The following CFAP20DC variants were observed in gnomAD, a reference collection of about 807,000 sequenced individuals.
CFAP20DC encodes the protein CFAP20 domain containing, also known as protein CFAP20DC.
In CFAP20DC, 84 loss-of-function variants were observed where a neutral mutation model predicts 101.7. The observed-to-expected ratio is 0.83, with a 90% CI of 0.69 to 0.99. The LOEUF (loss-of-function observed/expected upper bound fraction) is 0.99, where lower values mean the gene tolerates loss of function less well. Ranked by LOEUF, CFAP20DC falls within the 50% of genes least tolerant of loss-of-function variation. The probability of loss-of-function intolerance (pLI) is 0.00; values close to 1 mark genes in which losing one functional copy is unlikely to be tolerated. For missense variants in CFAP20DC, 1,007 were observed against 970.3 expected (o/e 1.04, Z -0.50); for synonymous variants, 359 against 351.2 (o/e 1.02, Z -0.25).
intron 5 of CFAP20DC, among the ~76,000 whole-genome samples, chr3:58,928,701 G>A (rs528478686): frequency 6.6e-6 from 1 of 152,182 alleles, no homozygotes; most frequent in South Asian, 2.1e-4. Context: ...AGAACACTAC[G>A]GAAACAAATG....
rs1249249632 is a variant in CFAP20DC at position 58,897,136 on chromosome 3, T to C, written c.551-12427A>G. ...AATTGAACCCTTTACCACTACATAATGCCCTTCTTTGTCTTTTTTGATATT... is the reference window on the plus strand; with the variant it reads ...AATTGAACCCTTTACCACTACATAACGCCCTTCTTTGTCTTTTTTGATATT... On this transcript the variant is annotated intron_variant, in intron 6 of 16. Transcript: ENST00000482387. This position sits in a 1 kb window ranked among gnomAD's most constrained non-coding sequence, Gnocchi z 4.4. 1.3e-5 allele frequency among the ~76,000 whole-genome samples: 2 copies of C among 152,234 alleles called. No individual in the cohort carries two copies. Among genetic ancestry groups the C allele is most frequent in the Admixed American group, 6.5e-5 (1 of 15,292 alleles).
intron 4 of CFAP20DC, among the ~76,000 whole-genome samples, chr3:58,963,799 A>G (rs1244752359): frequency 6.6e-6 from 1 of 152,190 alleles, no homozygotes; most frequent in Admixed American, 6.5e-5. Context: ...GATTGAACAG[A>G]TTACCTCTTG....
In CFAP20DC at chr3:59,040,270, G is replaced by T. The variant is rs186568589; in HGVS notation, c.206-641C>A. Reference sequence around the variant, plus strand: ...TATTCCCTATTACTAGCTTCATCTGGATTAAAAATATTTGCAGAGAAACCA... The same window carrying T: ...TATTCCCTATTACTAGCTTCATCTGTATTAAAAATATTTGCAGAGAAACCA... On this transcript the variant is annotated intron_variant, in intron 3 of 16. Coordinates refer to ENST00000482387, the MANE Select transcript of CFAP20DC (RefSeq NM_001394063.1). Among the ~76,000 whole-genome samples the T allele has an allele frequency of 3.2e-3, 486 of 151,994 alleles. 4 individuals are homozygous for T. Among genetic ancestry groups the T allele is most frequent in the African/African-American group, 0.011 (468 of 41,496 alleles).
chr3:58,857,816 T>C (rs1240642237), intron 12 of CFAP20DC, among the ~76,000 whole-genome samples: 1 of 152,176 alleles, frequency 6.6e-6, no homozygotes, highest in Non-Finnish European at 1.5e-5. Context: ...TAGGAGTGGG[T>C]GCACTGGCAT....
At chr3:58,982,516 C>T (rs1169590257) in intron 4 of CFAP20DC, among the ~76,000 whole-genome samples, 1 of 151,802 alleles carries the variant, frequency 6.6e-6, no homozygotes, top group Non-Finnish European at 1.5e-5. Context: ...CCATGGAATA[C>T]TATGCAGCCA....
chr3:58,744,585 TC>T (rs2068067585), intron 16 of CFAP20DC, among the ~76,000 whole-genome samples: 1 of 152,088 alleles, frequency 6.6e-6, no homozygotes, highest in East Asian at 1.9e-4. Context: ...GGCAAACAGT[TC>T]AATAAGTCCA....
chr3:59,008,724 G>C (rs866883804), intron 4 of CFAP20DC, among the ~76,000 whole-genome samples: 4 of 151,990 alleles, frequency 2.6e-5, no homozygotes, highest in South Asian at 4.2e-4. Context: ...GTGGGAGGAG[G>C]GGGGAGGGAT....
intron 12 of CFAP20DC, among the ~76,000 whole-genome samples, chr3:58,853,470 C>T (rs1009006785): frequency 6.6e-6 from 1 of 152,144 alleles, no homozygotes; most frequent in Non-Finnish European, 1.5e-5. Flanking sequence ...GGGAATCCTC[C>T]CTAAATCATT....
At position 58,815,814 on chromosome 3, in the gene CFAP20DC, C is replaced by A. The variant is rs993000149; in HGVS notation, c.2176-9358G>T. 2.7e-5 allele frequency among the ~76,000 whole-genome samples: 4 copies of A among 149,864 alleles called. 1 individual carries two copies. Among genetic ancestry groups the A allele is most frequent in the African/African-American group, 9.9e-5 (4 of 40,564 alleles). On this transcript the variant is annotated intron_variant, in intron 14 of 16. Coordinates refer to ENST00000482387, the MANE Select transcript of CFAP20DC (RefSeq NM_001394063.1). ...GCAAATCAAAACCACAATGAGATAC[C>A]ATCTCACACCAGTTAGAATGGCAAT... is the stretch of plus-strand genomic sequence containing the variant.
At chr3:58,860,529 A>G (rs979507828) in intron 12 of CFAP20DC, among the ~76,000 whole-genome samples, 3 of 152,184 alleles carry the variant, frequency 2.0e-5, no homozygotes, top group South Asian at 4.1e-4. Flanking sequence ...AAATGTTCCA[A>G]TTTGGACTGT....
chr3:58,796,418 T>C (rs1018798539), intron 15 of CFAP20DC, among the ~76,000 whole-genome samples: 1 of 152,174 alleles, frequency 6.6e-6, no homozygotes, highest in Non-Finnish European at 1.5e-5. Context: ...AGGCTTTCTC[T>C]GGGGCAGGCA....
intron 6 of CFAP20DC, among the ~76,000 whole-genome samples, chr3:58,893,365 A>G (rs1269528651): frequency 6.6e-6 from 1 of 152,156 alleles, no homozygotes; most frequent in Non-Finnish European, 1.5e-5. Context: ...GAATTTTATC[A>G]GAGGCCTTTT....
chr3:58,974,144 T>C (rs2092128223), intron 4 of CFAP20DC, among the ~76,000 whole-genome samples: 1 of 152,114 alleles, frequency 6.6e-6, no homozygotes, highest in Non-Finnish European at 1.5e-5. Context: ...ATGTGAAAGT[T>C]TGTTACATGG....
At position 58,730,786 on chromosome 3, in the gene CFAP20DC, G is replaced by T. The variant is rs9841302; in HGVS notation, c.198-13158C>A. On this transcript the variant is annotated intron_variant, in intron 3 of 3. Coordinates refer to the CFAP20DC transcript ENST00000486145. ...CTGGGCTATTCATAAAATAACTACA[G>T]AATTTTTTTTTTTAAAGTAATTCAT... Among the ~76,000 whole-genome samples, 1,183 of 152,246 alleles carry T rather than the reference G, an allele frequency of 7.8e-3. 15 individuals carry two copies. Among genetic ancestry groups the T allele is most frequent in the African/African-American group, 0.028 (1,148 of 41,536 alleles).
intron 4 of CFAP20DC, among the ~76,000 whole-genome samples, chr3:58,995,392 A>C (rs976288228): frequency 6.8e-6 from 1 of 146,072 alleles, no homozygotes; most frequent in African/African-American, 2.5e-5. Flanking sequence ...AAAAAAAAAC[A>C]CTATTTGTAG....
chr3:58,838,760 T>C (rs893074294), intron 13 of CFAP20DC, among the ~76,000 whole-genome samples: 3 of 152,182 alleles, frequency 2.0e-5, no homozygotes, highest in Admixed American at 6.6e-5. Flanking sequence ...TTAAAGTGAA[T>C]TGAAAAACAA....
chr3:58,800,625 T>C (rs1278225162), intron 15 of CFAP20DC, among the ~76,000 whole-genome samples: 2 of 152,180 alleles, frequency 1.3e-5, no homozygotes, highest in Non-Finnish European at 2.9e-5. Flanking sequence ...TGTTGGAATA[T>C]AGGAATATTA....
chr3:58,861,456 T>C lies in CFAP20DC; in HGVS notation c.1593+2102A>G. The C allele has an allele frequency of 1.1e-6, 1 of 894,186 alleles. No homozygotes were observed. The highest frequency in any genetic ancestry group is 1.3e-6 in the Non-Finnish European group (1 of 746,894). 55.4% of individuals were successfully genotyped at this position (894,186 alleles called of 1,614,324 possible). A position where few individuals can be genotyped will look rare whatever the true frequency, so the allele number is the denominator to read the frequency against. ...ACTATATGTAAATAAACATTGTAAA[T>C]ATGTAGCCTAATTTCCCATTGATTT... On this transcript the variant is annotated intron_variant, in intron 12 of 16. Transcript: ENST00000482387. The surrounding 1 kb of genome is among the most constrained non-coding windows in gnomAD (Gnocchi z 4.0).
chr3:58,920,639 C>T (rs985992161), intron 5 of CFAP20DC, among the ~76,000 whole-genome samples: 4 of 152,238 alleles, frequency 2.6e-5, no homozygotes, highest in Admixed American at 6.5e-5. Flanking sequence ...GATAAAATTA[C>T]ATTGACTTTC....
Sources: allele counts gnomAD v4.1 joint callset (sites outside exome capture counted in the v4.1 genomes callset), GRCh38; gene constraint gnomAD v4.1.1; non-coding constraint Gnocchi (gnomAD v3.1); transcripts MANE v1.5; gene names NCBI Gene and HGNC (gene_info 2026-07-23, HGNC 2026-07-21).